Variants in RCAN2 observed in about 807,000 individuals in gnomAD.
RCAN2 encodes the protein calcipressin-2.
Under a neutral mutation model 23.6 loss-of-function variants are expected in RCAN2, and 9 were observed. That is an observed-to-expected ratio of 0.38 (90% CI 0.23 to 0.67). RCAN2 has a LOEUF of 0.67. Ranked by LOEUF, RCAN2 falls within the 30% of genes least tolerant of loss-of-function variation. RCAN2 has a pLI of 0.51. For missense variants in RCAN2, 273 were observed against 302.3 expected (o/e 0.90, Z 0.72); for synonymous variants, 109 against 115.7 (o/e 0.94, Z 0.37).
At chr6:46,255,882 T>C (rs907553514) in intron 2 of RCAN2, among the ~76,000 whole-genome samples, 2 of 152,190 alleles carry the variant, frequency 1.3e-5, no homozygotes, top group Non-Finnish European at 2.9e-5. Context: ...ATTCTAAGCC[T>C]AATATTCTGG....
intron 2 of RCAN2, among the ~76,000 whole-genome samples, chr6:46,271,172 A>T (rs914574829): frequency 2.0e-5 from 3 of 152,176 alleles, no homozygotes; most frequent in Non-Finnish European, 4.4e-5. Context: ...CTGTCCATCC[A>T]TCTATTTAAT....
intron 4 of RCAN2, among the ~76,000 whole-genome samples, chr6:46,233,757 C>A (rs1023477038): frequency 1.5e-5 from 2 of 131,814 alleles, no homozygotes; most frequent in African/African-American, 5.6e-5. Flanking sequence ...TGGTGTTTTG[C>A]TCTTGTTGCC....
chr6:46,406,206 G>C (rs1247586794), intron 2 of RCAN2, among the ~76,000 whole-genome samples: 1 of 152,206 alleles, frequency 6.6e-6, no homozygotes, highest in Non-Finnish European at 1.5e-5. Context: ...CCCAGAAAGG[G>C]GCTCTCACAG....
At chr6:46,324,492 T>A (rs886648924) in intron 2 of RCAN2, among the ~76,000 whole-genome samples, 1 of 152,228 alleles carries the variant, frequency 6.6e-6, no homozygotes, top group African/African-American at 2.4e-5. Flanking sequence ...GATTATGCAA[T>A]GTAATTCACC....
intron 1 of RCAN2, among the ~76,000 whole-genome samples, chr6:46,483,888 G>T (rs897466351): frequency 6.6e-6 from 1 of 152,202 alleles, no homozygotes; most frequent in African/African-American, 2.4e-5. Flanking sequence ...TCAAGGCTAA[G>T]AAATTTTGCT....
intron 2 of RCAN2, among the ~76,000 whole-genome samples, chr6:46,324,522 C>A (rs796271022): frequency 1.1e-4 from 16 of 152,338 alleles, no homozygotes; most frequent in African/African-American, 3.8e-4. Context: ...TCCCACCACA[C>A]AATGAACAAC....
At chr6:46,269,084 G>A (rs1023943278) in intron 2 of RCAN2, among the ~76,000 whole-genome samples, 2 of 152,114 alleles carry the variant, frequency 1.3e-5, no homozygotes, top group African/African-American at 2.4e-5. Context: ...GGCTCTTATT[G>A]TGTCTTTGTT....
intron 2 of RCAN2, among the ~76,000 whole-genome samples, chr6:46,401,235 T>C (rs776678569): frequency 3.3e-5 from 5 of 152,192 alleles, no homozygotes; most frequent in Non-Finnish European, 5.9e-5. Flanking sequence ...CAGAACCTCA[T>C]GGACCCAGAA....
In RCAN2 at chr6:46,274,642, G is replaced by A. The variant is rs565607677; in HGVS notation, c.226-25746C>T. Among the ~76,000 whole-genome samples, 4 of 152,326 alleles carry A rather than the reference G, an allele frequency of 2.6e-5. No individual in the cohort carries two copies. The South Asian group carries it at 8.3e-4, about 32-fold the overall frequency. ...CAGCACCTGTGCCTCACCACCTGGAGAGGGAGGAGTGACCAGGAAAGCAGC... is the reference window on the plus strand; with the variant it reads ...CAGCACCTGTGCCTCACCACCTGGAAAGGGAGGAGTGACCAGGAAAGCAGC... On this transcript the variant is annotated intron_variant, in intron 2 of 4. Transcript: ENST00000371374.
chr6:46,223,697 T>A (rs905446534), intron 4 of RCAN2, among the ~76,000 whole-genome samples: 1 of 152,202 alleles, frequency 6.6e-6, no homozygotes, highest in African/African-American at 2.4e-5. Flanking sequence ...TTCACTTCTT[T>A]ATCTTTTGAA....
At chr6:46,288,231 C>G (rs182693509) in intron 2 of RCAN2, among the ~76,000 whole-genome samples, 3 of 152,196 alleles carry the variant, frequency 2.0e-5, no homozygotes, top group Admixed American at 6.5e-5. Context: ...TAATAAAAAC[C>G]AGTCAACTAA....
intron 4 of RCAN2, among the ~76,000 whole-genome samples, chr6:46,223,941 T>C (rs1361649877): frequency 6.6e-6 from 1 of 152,338 alleles, no homozygotes; most frequent in East Asian, 1.9e-4. Flanking sequence ...CTTCATTAGA[T>C]GTTTCTTGAG....
Position 46,419,995 on chromosome 6 carries a change from T to A in RCAN2, c.225+36757A>T, listed in dbSNP as rs115711256. 3.8e-3 allele frequency among the ~76,000 whole-genome samples: 574 copies of A among 152,336 alleles called. 6 individuals are homozygous for A. Among genetic ancestry groups the A allele is most frequent in the African/African-American group, 0.013 (552 of 41,582 alleles). On this transcript the variant is annotated intron_variant, in intron 2 of 4. Transcript: ENST00000371374. The stretch of plus-strand genomic sequence containing the variant: ...ACAAGAGTAGACAGATCCTTTTCAC[T>A]GTGTTGTCAGATTTAAAATTTCAAA...
chr6:46,457,757 C>T (rs923393714), intron 1 of RCAN2, among the ~76,000 whole-genome samples: 1 of 152,166 alleles, frequency 6.6e-6, no homozygotes, highest in Admixed American at 6.5e-5. Context: ...AAAATCAGTG[C>T]TATCTTGATC....
chr6:46,334,843 A>G (rs1764091159), intron 2 of RCAN2, among the ~76,000 whole-genome samples: 1 of 152,172 alleles, frequency 6.6e-6, no homozygotes. Context: ...CCCCGGGTCC[A>G]AGAGTTTTAT....
At chr6:46,444,435 T>C (rs898318211) in intron 2 of RCAN2, among the ~76,000 whole-genome samples, 3 of 152,098 alleles carry the variant, frequency 2.0e-5, no homozygotes, top group Non-Finnish European at 2.9e-5. Flanking sequence ...CTAGCTTGAG[T>C]ATATTCTTTA....
intron 4 of RCAN2, among the ~76,000 whole-genome samples, chr6:46,225,322 G>A (rs1765625146): frequency 6.6e-6 from 1 of 152,152 alleles, no homozygotes; most frequent in African/African-American, 2.4e-5. Flanking sequence ...TGGGTCAAAT[G>A]GTATTTCTAG....
intron 2 of RCAN2, among the ~76,000 whole-genome samples, chr6:46,316,541 GA>G (rs34163570): frequency 3.9e-5 from 6 of 152,182 alleles, no homozygotes; most frequent in Non-Finnish European, 8.8e-5. Context: ...CCTTTTTGGG[GA>G]AAAAGGAACT....
chr6:46,349,580 GA>G (rs377751176), intron 2 of RCAN2, among the ~76,000 whole-genome samples: 4,307 of 141,030 alleles, frequency 0.031, 160 homozygotes, highest in African/African-American at 0.092. Flanking sequence ...AGTAAAATTA[GA>G]AAAAAAAAAA....
Sources: gnomAD v4.1 joint callset for allele counts (sites outside exome capture counted in the v4.1 genomes callset) on GRCh38, gnomAD v4.1.1 for gene constraint, MANE v1.5 for transcripts, NCBI Gene and HGNC (gene_info 2026-07-23, HGNC 2026-07-21) for gene names.